IQGAP2: variants seen among roughly 807,000 people sequenced by gnomAD.
IQGAP2 encodes IQ motif containing GTPase activating protein 2, also known as ras GTPase-activating-like protein IQGAP2.
In IQGAP2, 173 loss-of-function variants were observed where a neutral mutation model predicts 201.3. That is an observed-to-expected ratio of 0.86 (90% CI 0.76 to 0.98). The LOEUF (loss-of-function observed/expected upper bound fraction) is 0.98, where lower values mean the gene tolerates loss of function less well. Among genes scored for constraint, IQGAP2 ranks in the 50% least tolerant of loss-of-function variants. IQGAP2 has a pLI of 0.00. For synonymous variants in IQGAP2, 675 were observed against 673.9 expected, an observed-to-expected ratio of 1.00 and a Z score of -0.03; for missense variants, 1,687 against 1,864.8, an observed-to-expected ratio of 0.90 and a Z score of 1.76.
chr5:76,651,905 T>C (rs1378071258), intron 17 of IQGAP2, among the ~76,000 whole-genome samples: 1 of 152,120 alleles, frequency 6.6e-6, no homozygotes, highest in African/African-American at 2.4e-5. Flanking sequence ...TTAAAAAGAA[T>C]GAGGTAAATA....
intron 2 of IQGAP2, among the ~76,000 whole-genome samples, chr5:76,558,815 A>G (rs979353057): frequency 6.6e-6 from 1 of 152,038 alleles, no homozygotes; most frequent in Admixed American, 6.5e-5. Flanking sequence ...TTGCAGTCAC[A>G]CCACCACTAT....
At chr5:76,564,006 G>C (rs1744563500) in intron 3 of IQGAP2, among the ~76,000 whole-genome samples, 1 of 149,122 alleles carries the variant, frequency 6.7e-6, no homozygotes, top group African/African-American at 2.6e-5. Context: ...TGGTCAAAAA[G>C]GTCACTGAGC....
At chr5:76,494,249 T>C (rs1237916123) in intron 2 of IQGAP2, among the ~76,000 whole-genome samples, 1 of 152,222 alleles carries the variant, frequency 6.6e-6, no homozygotes, top group Admixed American at 6.5e-5. Flanking sequence ...AGCAGAGTTC[T>C]ATAAAATGGG....
chr5:76,654,886 G>A, intron 19 of IQGAP2, 48 bp from the exon 20 acceptor site: 1 of 1,190,206 alleles, frequency 8.4e-7, no homozygotes, highest in Non-Finnish European at 1.2e-6. Flanking sequence ...AAAAATGATG[G>A]AGTAGGTGGG....
chr5:76,675,480 T>C (rs1452057248), intron 27 of IQGAP2, among the ~76,000 whole-genome samples: 1 of 152,268 alleles, frequency 6.6e-6, no homozygotes, highest in Admixed American at 6.5e-5. Context: ...TAATGACACA[T>C]GTAAGAAGAT....
At chr5:76,682,094 G>A (rs1015851991) in intron 28 of IQGAP2, among the ~76,000 whole-genome samples, 1 of 152,210 alleles carries the variant, frequency 6.6e-6, no homozygotes, top group Non-Finnish European at 1.5e-5. Context: ...TGGGTACCCG[G>A]TATCTTTTAG....
chr5:76,701,066 AT>A lies in IQGAP2; in HGVS notation c.4368-6del. On this transcript the variant is annotated splice_polypyrimidine_tract_variant and intron_variant, in intron 33 of 35. Transcript: ENST00000274364. ...TCATAACAACAAATGTTCTGTTCTT[AT>A]TTTGTCAGAAATACTCGGAGATCAA... 6.8e-6 allele frequency: 11 copies of A among 1,613,866 alleles called. No individual in the cohort carries two copies. The highest frequency in any genetic ancestry group is 9.3e-6 in the Non-Finnish European group (11 of 1,179,806).
chr5:76,610,888 A>G, intron 12 of IQGAP2, 132 bp from the exon 13 acceptor site: 1 of 593,550 alleles, frequency 1.7e-6, no homozygotes, highest in Non-Finnish European at 2.9e-6. Context: ...ATAGACACAT[A>G]ATTGGTTTTG....
intron 4 of IQGAP2, among the ~76,000 whole-genome samples, chr5:76,575,129 C>G (rs1165874318): frequency 2.0e-5 from 3 of 152,112 alleles, no homozygotes; most frequent in Non-Finnish European, 4.4e-5. Flanking sequence ...TAGTGACAAT[C>G]TGGGAGGTGG....
rs1752533519 is a variant in IQGAP2, at chr5:76,651,751, T to TTTTAAAC, written c.2095-999_2095-998insTTTAAAC. On this transcript the variant is annotated intron_variant, in intron 17 of 35. Transcript: ENST00000274364. Reference sequence around the variant, plus strand: ...ATTAAAAGGTTTTTTTTTTTAAACATATTTATGCCTTCTAGGGACTTGGAC... The same window carrying TTTTAAAC: ...ATTAAAAGGTTTTTTTTTTTAAACATTTTAAACATTTATGCCTTCTAGGGACTTGGAC... 2.0e-5 allele frequency among the ~76,000 whole-genome samples: 3 copies of TTTTAAAC among 152,162 alleles called. No homozygotes were observed. The South Asian group carries it at 6.2e-4, about 32-fold the overall frequency.
rs532897658 is a variant in IQGAP2, at chr5:76,654,070, CT to C, written c.2179-123del. On this transcript the variant is annotated intron_variant, in intron 18 of 35. Transcript: ENST00000274364. ...TAGAGATTGATTATTCAGTGGGCTG[CT>C]TTTTTTCTTTATCAAGTATCATTGT... is the stretch of plus-strand genomic sequence containing the variant. 222 of 595,002 alleles carry C rather than the reference CT, an allele frequency of 3.7e-4. 1 individual carries two copies. In the East Asian group the frequency reaches 4.6e-3, roughly 12 times the overall value. 36.9% of individuals were successfully genotyped at this position (595,002 alleles called of 1,614,324 possible).
intron 1 of IQGAP2, among the ~76,000 whole-genome samples, chr5:76,450,854 G>A (rs1340440000): frequency 6.6e-6 from 1 of 152,154 alleles, no homozygotes; most frequent in Non-Finnish European, 1.5e-5. Flanking sequence ...ATCCATGACT[G>A]TATTGTCAAC....
intron 2 of IQGAP2, among the ~76,000 whole-genome samples, chr5:76,554,193 C>G (rs1743751760): frequency 6.6e-6 from 1 of 151,922 alleles, no homozygotes. Context: ...ACATCATATA[C>G]AGAAAGTAGT....
intron 1 of IQGAP2, among the ~76,000 whole-genome samples, chr5:76,441,244 G>C (rs1580196814): frequency 6.6e-6 from 1 of 152,186 alleles, no homozygotes; most frequent in Non-Finnish European, 1.5e-5. Flanking sequence ...ACAACTGTAA[G>C]TGTTCAGCAG....
At chr5:76,514,559 T>C (rs1758190264) in intron 2 of IQGAP2, among the ~76,000 whole-genome samples, 1 of 152,198 alleles carries the variant, frequency 6.6e-6, no homozygotes, top group African/African-American at 2.4e-5. Context: ...ATCATTCCCC[T>C]GGGGAAAAAC....
chr5:76,642,897 C>G (rs1751708777), intron 17 of IQGAP2, among the ~76,000 whole-genome samples: 1 of 152,166 alleles, frequency 6.6e-6, no homozygotes, highest in Admixed American at 6.5e-5. Flanking sequence ...CATTCTGTCT[C>G]AAGTGCTTAT....
At chr5:76,653,753 T>TCC (rs1296568357) in intron 18 of IQGAP2, among the ~76,000 whole-genome samples, 1 of 152,178 alleles carries the variant, frequency 6.6e-6, no homozygotes, top group African/African-American at 2.4e-5. Context: ...TAGCAATTGG[T>TCC]CCCTCATGAG....
chr5:76,635,677 A>C (rs770066701), intron 15 of IQGAP2, among the ~76,000 whole-genome samples: 4 of 152,006 alleles, frequency 2.6e-5, no homozygotes, highest in Non-Finnish European at 5.9e-5. Flanking sequence ...ACCCATCTCT[A>C]CAAAAAAATA....
intron 20 of IQGAP2, among the ~76,000 whole-genome samples, chr5:76,656,968 G>A (rs922714616): frequency 4.6e-5 from 7 of 152,076 alleles, no homozygotes; most frequent in South Asian, 2.1e-4. Context: ...GTCACTGAAC[G>A]CATTCCAGCT....
Sources: allele counts gnomAD v4.1 joint callset (sites outside exome capture counted in the v4.1 genomes callset), GRCh38; gene constraint gnomAD v4.1.1; transcripts MANE v1.5; gene names NCBI Gene and HGNC (gene_info 2026-07-23, HGNC 2026-07-21).